Variants in SYNE2 observed in about 807,000 individuals in gnomAD.
The protein encoded by SYNE2 is nesprin-2.
A neutral mutation model predicts 856.3 loss-of-function variants in SYNE2; 431 were observed. The observed-to-expected ratio is 0.50, with a 90% CI of 0.47 to 0.55. SYNE2 has a LOEUF of 0.55. Among genes scored for constraint, SYNE2 ranks in the 20% least tolerant of loss-of-function variants. The pLI is 0.00. For synonymous variants in SYNE2, 2,923 were observed against 2,872.3 expected (o/e 1.02, Z -0.56); for missense variants, 8,129 against 8,023.2 (o/e 1.01, Z -0.50).
chr14:64,166,525 G>A (rs1305815316), intron 90 of SYNE2, among the ~76,000 whole-genome samples: 5 of 152,200 alleles, frequency 3.3e-5, no homozygotes, highest in African/African-American at 9.7e-5. Context: ...GGGTGTTTAA[G>A]TCCCTTGCTC....
chr14:63,856,128 T>G (rs1891663766), intron 1 of SYNE2, among the ~76,000 whole-genome samples: 1 of 151,918 alleles, frequency 6.6e-6, no homozygotes, highest in South Asian at 2.1e-4. Flanking sequence ...AACTGAGAGG[T>G]CATTGTGGCT....
rs925814988 is a variant in SYNE2, at chr14:64,157,498, T to A, written c.15793-1127T>A. ...TTACCTCTCCATCAGTTGATGAACA[T>A]GTGGGTTGTTTCCATTTTTAGGCTC... On this transcript the variant is annotated intron_variant, in intron 85 of 115. Coordinates refer to ENST00000555002, the MANE Select transcript of SYNE2 (RefSeq NM_182914.3). 7.2e-5 allele frequency among the ~76,000 whole-genome samples: 11 copies of A among 152,338 alleles called. No homozygotes were observed. The South Asian group carries it at 2.3e-3, about 32-fold the overall frequency.
In SYNE2 at chr14:63,798,188, C is replaced by A. The variant is rs564395537; in HGVS notation, c.-305+36202C>A. Among the ~76,000 whole-genome samples, 5 of 152,042 alleles carry A rather than the reference C, an allele frequency of 3.3e-5. No homozygotes were observed. In the South Asian group the frequency reaches 8.3e-4, roughly 25 times the overall value. ...CTAAGTATCTGTGACTATGGGTGCA[C>A]ACCACCACGCTCAGCTGTTTTTTTG... On this transcript the variant is annotated intron_variant, in intron 1 of 23. Transcript: ENST00000674003.
At chr14:64,114,489 A>G (rs955694464) in intron 66 of SYNE2, among the ~76,000 whole-genome samples, 1 of 152,044 alleles carries the variant, frequency 6.6e-6, no homozygotes, top group Non-Finnish European at 1.5e-5. Context: ...TTGTTGTGGG[A>G]AGCCTGCCTT....
intron 1 of SYNE2, among the ~76,000 whole-genome samples, chr14:63,801,983 G>C (rs1190126418): frequency 1.3e-5 from 2 of 151,322 alleles, no homozygotes; most frequent in Non-Finnish European, 2.9e-5. Flanking sequence ...ATACATGAAA[G>C]GCAAAAGCAA....
intron 43 of SYNE2, among the ~76,000 whole-genome samples, 155 bp downstream of exon 43, chr14:64,027,948 C>T (rs1362114199): frequency 6.6e-6 from 1 of 151,788 alleles, no homozygotes; most frequent in East Asian, 1.9e-4. Flanking sequence ...CACTCTTTGC[C>T]CAGGCTGGAG....
At chr14:64,063,318 G>A (rs1442867996) in intron 50 of SYNE2, among the ~76,000 whole-genome samples, 2 of 152,200 alleles carry the variant, frequency 1.3e-5, no homozygotes, top group East Asian at 3.8e-4. Flanking sequence ...AAAGTGCTGG[G>A]ATTATAGGCG....
chr14:64,167,436 G>A lies in SYNE2; in HGVS notation c.16760+49G>A, dbSNP rs141052617. The stretch of plus-strand genomic sequence containing the variant: ...TTGTTTCAATTAAGGTAAAATTAAC[G>A]GCTTCAGCTCGGGAATGGCATTGTT... On this transcript the variant is annotated intron_variant, in intron 91 of 115. Transcript: ENST00000555002. 191 of 1,614,186 alleles carry A rather than the reference G, an allele frequency of 1.2e-4. No homozygotes were observed. In the Middle Eastern group the frequency reaches 1.6e-3, roughly 14 times the overall value.
At position 63,961,506 on chromosome 14, in the gene SYNE2, A is replaced by T; in HGVS notation, c.788-19A>T. 8 of 1,580,842 alleles carry T rather than the reference A, an allele frequency of 5.1e-6. No individual in the cohort carries two copies. The highest frequency in any genetic ancestry group is 7.0e-6 in the Non-Finnish European group (8 of 1,150,340). On this transcript the variant is annotated intron_variant, in intron 8 of 115. Transcript: ENST00000555002. ...AGTAAATGTGTAACAGCTAATTGAT[A>T]GTGTGGTGTATCTTGCAGATGTGGA...
chr14:64,224,362 CAAAA>C (rs200623970), intron 113 of SYNE2, 95 bp from the exon 114 acceptor site: 6 of 1,191,094 alleles, frequency 5.0e-6, no homozygotes, highest in Non-Finnish European at 7.5e-6. Flanking sequence ...CAAAACAAAA[CAAAA>C]AAAGATTGAT....
chr14:64,137,769 G>T lies in SYNE2; in HGVS notation c.14647-18G>T. 1.2e-6 allele frequency: 2 copies of T among 1,613,426 alleles called. No individual in the cohort carries two copies. Among genetic ancestry groups the T allele is most frequent in the South Asian group, 2.2e-5 (2 of 91,020 alleles). Reference sequence around the variant, plus strand: ...TTATTTTCTAAATAATTCATTCTATGACTTTACTTTTTATTAGCAAATAAA... The same window carrying T: ...TTATTTTCTAAATAATTCATTCTATTACTTTACTTTTTATTAGCAAATAAA... On this transcript the variant is annotated intron_variant, in intron 78 of 115. Transcript: ENST00000555002.
chr14:64,057,789 C>T (rs1426630286), intron 49 of SYNE2, among the ~76,000 whole-genome samples: 1 of 152,122 alleles, frequency 6.6e-6, no homozygotes, highest in Non-Finnish European at 1.5e-5. Context: ...TTTATTATTG[C>T]CTGTCTTTTG....
At chr14:64,001,327 A>C (rs2096753229) in intron 28 of SYNE2, among the ~76,000 whole-genome samples, 1 of 152,192 alleles carries the variant, frequency 6.6e-6, no homozygotes, top group South Asian at 2.1e-4. Flanking sequence ...TTTATTTCAA[A>C]AGAGAAAGGC....
At chr14:64,018,875 C>T (rs529101683) in intron 34 of SYNE2, among the ~76,000 whole-genome samples, 22 of 152,322 alleles carry the variant, frequency 1.4e-4, no homozygotes, top group African/African-American at 5.1e-4. Flanking sequence ...AAACAACAGT[C>T]TCAGGTTGTG....
intron 1 of SYNE2, among the ~76,000 whole-genome samples, chr14:63,884,590 G>A (rs1233277712): frequency 6.6e-6 from 1 of 152,106 alleles, no homozygotes; most frequent in Non-Finnish European, 1.5e-5. Flanking sequence ...CTCTCCCTGG[G>A]TCAGTTGGAG....
At chr14:63,840,374 T>A (rs1253851903) in intron 1 of SYNE2, among the ~76,000 whole-genome samples, 2 of 151,954 alleles carry the variant, frequency 1.3e-5, no homozygotes, top group South Asian at 2.1e-4. Flanking sequence ...GGAACCCAGT[T>A]TTTTGTATTT....
chr14:64,007,083 T>C lies in SYNE2; in HGVS notation c.4438T>C (p.Tyr1480His). The change falls in exon 31 of 116, where the codon TAT becomes CAT. Residue 1480 changes from tyrosine (Y) to histidine (H), a missense_variant. Transcript: ENST00000555002. ...CAGACTGGATAAGGTTCTAGATGAA[T>C]ATGAAGAAGAGAAGAGACATTTACA... ...LIRLDKVLDE[Y>H]EEEKRHLQEM... The C allele has an allele frequency of 6.2e-7, 1 of 1,613,776 alleles. No individual in the cohort carries two copies. The highest frequency in any genetic ancestry group is 8.5e-7 in the Non-Finnish European group (1 of 1,179,740).
intron 6 of SYNE2, among the ~76,000 whole-genome samples, chr14:63,942,491 G>A (rs557684023): frequency 1.2e-4 from 18 of 150,606 alleles, no homozygotes; most frequent in African/African-American, 3.4e-4. Flanking sequence ...GCTAATTTTC[G>A]TATTTTTTTT....
At chr14:63,949,162 A>T (rs1472581390) in intron 6 of SYNE2, among the ~76,000 whole-genome samples, 1 of 152,140 alleles carries the variant, frequency 6.6e-6, no homozygotes, top group East Asian at 1.9e-4. Context: ...TTTTGGGTAG[A>T]TACCATATCG....
Sources: gnomAD v4.1 joint callset for allele counts (sites outside exome capture counted in the v4.1 genomes callset) on GRCh38, gnomAD v4.1.1 for gene constraint, MANE v1.5 for transcripts, NCBI Gene and HGNC (gene_info 2026-07-23, HGNC 2026-07-21) for gene names.